ASAP1: variants seen among roughly 807,000 people sequenced by gnomAD.
ASAP1 encodes the protein ArfGAP with SH3 domain, ankyrin repeat and PH domain 1, also known as arf-GAP with SH3 domain, ANK repeat and PH domain-containing protein 1.
ASAP1 carries 43 observed loss-of-function variants against 145.2 expected under a neutral mutation model. The observed-to-expected ratio is 0.30, with a 90% CI of 0.23 to 0.38. ASAP1 has a LOEUF of 0.38. Among genes scored for constraint, ASAP1 ranks in the 10% least tolerant of loss-of-function variants. The pLI is 1.00. For synonymous variants in ASAP1, 546 were observed against 515.5 expected (o/e 1.06, Z -0.80); for missense variants, 1,018 against 1,355.3 (o/e 0.75, Z 3.91).
At chr8:130,214,358 T>G (rs889483168) in intron 5 of ASAP1, among the ~76,000 whole-genome samples, 198 bp downstream of exon 5, 5 of 152,222 alleles carry the variant, frequency 3.3e-5, no homozygotes, top group Non-Finnish European at 7.3e-5. Context: ...AATGGGATTT[T>G]CTTTAAGCAA....
At chr8:130,130,579 G>C (rs550237109) in intron 15 of ASAP1, among the ~76,000 whole-genome samples, 1 of 152,284 alleles carries the variant, frequency 6.6e-6, no homozygotes, top group South Asian at 2.1e-4. Context: ...AAAGCATAAA[G>C]AATGCATAAT....
intron 2 of ASAP1, among the ~76,000 whole-genome samples, chr8:130,364,218 AG>A (rs1826846718): frequency 6.6e-6 from 1 of 152,244 alleles, no homozygotes; most frequent in African/African-American, 2.4e-5. Flanking sequence ...TGATGGAAGT[AG>A]GAAGAAAAGA....
At chr8:130,353,925 C>T (rs1300768842) in intron 3 of ASAP1, among the ~76,000 whole-genome samples, 4 of 151,782 alleles carry the variant, frequency 2.6e-5, no homozygotes, top group East Asian at 1.9e-4. Flanking sequence ...CTTGCTCTGT[C>T]GCCCAGGCTG....
At chr8:130,412,573 C>G (rs1829312310) in intron 1 of ASAP1, among the ~76,000 whole-genome samples, 1 of 152,102 alleles carries the variant, frequency 6.6e-6, no homozygotes, top group Non-Finnish European at 1.5e-5. Flanking sequence ...ATAAATTACC[C>G]AGTCTCCGAT....
chr8:130,311,892 CT>C (rs1279522812), intron 3 of ASAP1, among the ~76,000 whole-genome samples: 1 of 149,804 alleles, frequency 6.7e-6, no homozygotes. Flanking sequence ...ACAAAAACAA[CT>C]CAAAAAAAAA....
intron 4 of ASAP1, 80 bp from the exon 5 acceptor site, chr8:130,214,781 C>T (rs573739133): frequency 4.1e-5 from 49 of 1,208,522 alleles, no homozygotes; most frequent in East Asian, 7.2e-5. Context: ...CCGATCACTA[C>T]GAATTCTCAA....
At chr8:130,241,037 C>T (rs1449313105) in intron 3 of ASAP1, among the ~76,000 whole-genome samples, 1 of 152,076 alleles carries the variant, frequency 6.6e-6, no homozygotes, top group Non-Finnish European at 1.5e-5. Context: ...CATACCTCTC[C>T]AGGCCGAGTG....
rs1296549782 is a variant in ASAP1, at chr8:130,337,708, C to T, written c.186+20309G>A. Among the ~76,000 whole-genome samples the T allele has an allele frequency of 2.0e-5, 3 of 152,182 alleles. No individual in the cohort carries two copies. In the East Asian group the frequency reaches 5.8e-4, roughly 29 times the overall value. On this transcript the variant is annotated intron_variant, in intron 3 of 29. Coordinates refer to ENST00000518721, the MANE Select transcript of ASAP1 (RefSeq NM_018482.4). ...AGACCTTCTGTAATACATCTGTTTTCATGCATTTCTTTCCATTTTTATAAG... is the reference window on the plus strand; with the variant it reads ...AGACCTTCTGTAATACATCTGTTTTTATGCATTTCTTTCCATTTTTATAAG...
At chr8:130,261,482 G>C (rs555877675) in intron 3 of ASAP1, among the ~76,000 whole-genome samples, 1 of 152,288 alleles carries the variant, frequency 6.6e-6, no homozygotes, top group Middle Eastern at 3.4e-3. Context: ...GGTGGTGGGA[G>C]GCTCGGAAAA....
chr8:130,164,933 T>A (rs1447993858), intron 11 of ASAP1, among the ~76,000 whole-genome samples: 2 of 152,234 alleles, frequency 1.3e-5, no homozygotes, highest in African/African-American at 2.4e-5. Context: ...GATGGTCTCC[T>A]CTCACATTTA....
At chr8:130,311,471 GC>G (rs1823336650) in intron 3 of ASAP1, among the ~76,000 whole-genome samples, 1 of 152,116 alleles carries the variant, frequency 6.6e-6, no homozygotes, top group Admixed American at 6.5e-5. Context: ...CTTAAAAAGG[GC>G]AAAATAGGGT....
At chr8:130,404,969 C>A (rs1828959954) in intron 1 of ASAP1, among the ~76,000 whole-genome samples, 1 of 151,908 alleles carries the variant, frequency 6.6e-6, no homozygotes, top group Non-Finnish European at 1.5e-5. Flanking sequence ...AACCACAAGT[C>A]CGGCATGAAC....
At chr8:130,202,155 C>A (rs948917827) in intron 5 of ASAP1, among the ~76,000 whole-genome samples, 6 of 152,100 alleles carry the variant, frequency 3.9e-5, no homozygotes, top group African/African-American at 1.4e-4. Context: ...TTAAATTTTT[C>A]AGAAGTCAAA....
intron 3 of ASAP1, among the ~76,000 whole-genome samples, chr8:130,351,498 G>A (rs959017564): frequency 6.6e-6 from 1 of 152,150 alleles, no homozygotes; most frequent in African/African-American, 2.4e-5. Flanking sequence ...CTGAGACTGG[G>A]TAATTTATAA....
chr8:130,426,061 C>T (rs548189454), intron 1 of ASAP1, among the ~76,000 whole-genome samples: 2 of 152,272 alleles, frequency 1.3e-5, no homozygotes, highest in Admixed American at 6.5e-5. Context: ...CTGTAATTCC[C>T]AGTGTCGGAG....
intron 9 of ASAP1, among the ~76,000 whole-genome samples, chr8:130,173,889 A>T (rs1207273746): frequency 1.3e-5 from 2 of 151,800 alleles, no homozygotes; most frequent in East Asian, 1.9e-4. Context: ...CCTGGGCAAC[A>T]AGGTAAAACC....
chr8:130,276,720 A>ACT (rs1263231372), intron 3 of ASAP1, among the ~76,000 whole-genome samples: 26 of 117,584 alleles, frequency 2.2e-4, no homozygotes, highest in East Asian at 7.7e-4. Flanking sequence ...ACACACACAC[A>ACT]CACACACACT....
chr8:130,279,512 T>C (rs534167136), intron 3 of ASAP1, among the ~76,000 whole-genome samples: 1 of 152,308 alleles, frequency 6.6e-6, no homozygotes, highest in Admixed American at 6.5e-5. Flanking sequence ...AAAAGCAGCA[T>C]AGTGCAGTGA....
chr8:130,212,141 G>A (rs1256787536), intron 5 of ASAP1, among the ~76,000 whole-genome samples: 1 of 152,186 alleles, frequency 6.6e-6, no homozygotes, highest in South Asian at 2.1e-4. Flanking sequence ...GCTGGCTGTT[G>A]TCAAGTTGTG....
Sources: allele counts gnomAD v4.1 joint callset (sites outside exome capture counted in the v4.1 genomes callset), GRCh38; gene constraint gnomAD v4.1.1; transcripts MANE v1.5; gene names NCBI Gene and HGNC (gene_info 2026-07-23, HGNC 2026-07-21).